OLFM3: variants seen among roughly 807,000 people sequenced by gnomAD.
OLFM3 encodes olfactomedin 3.
OLFM3 carries 20 observed loss-of-function variants against 48.6 expected under a neutral mutation model. The observed-to-expected ratio is 0.41, with a 90% CI of 0.29 to 0.60. The LOEUF (loss-of-function observed/expected upper bound fraction) is 0.60, where lower values mean the gene tolerates loss of function less well. Among genes scored for constraint, OLFM3 ranks in the 20% least tolerant of loss-of-function variants. The pLI is 0.28. For missense variants in OLFM3, 437 were observed against 544.3 expected (o/e 0.80, Z 1.96); for synonymous variants, 222 against 198.1 (o/e 1.12, Z -1.01).
intron 1 of OLFM3, among the ~76,000 whole-genome samples, chr1:101,875,631 G>A (rs1016645510): frequency 1.3e-5 from 2 of 150,220 alleles, no homozygotes; most frequent in East Asian, 2.0e-4. Context: ...TACAAGAAGT[G>A]GTTATCTACA....
chr1:101,919,704 T>C (rs1659035773), intron 1 of OLFM3, among the ~76,000 whole-genome samples: 1 of 152,192 alleles, frequency 6.6e-6, no homozygotes, highest in South Asian at 2.1e-4. Flanking sequence ...GATTATCTAG[T>C]CTTGGGGATT....
intron 1 of OLFM3, among the ~76,000 whole-genome samples, chr1:101,938,065 G>A (rs1352556136): frequency 6.6e-6 from 1 of 152,082 alleles, no homozygotes; most frequent in African/African-American, 2.4e-5. Flanking sequence ...TTTCTGTTGT[G>A]AGATATAGCA....
Position 101,907,386 on chromosome 1 carries a change from A to G in OLFM3, c.70-70361T>C, listed in dbSNP as rs72729697. On this transcript the variant is annotated intron_variant, in intron 1 of 5. Coordinates refer to ENST00000370103, the MANE Select transcript of OLFM3 (RefSeq NM_058170.4). ...AAGAGCCAGGTGGTATTAAATGCAG[A>G]CAATGGGATACTGGTTTCAAAACTC... 6.2e-3 allele frequency among the ~76,000 whole-genome samples: 944 copies of G among 152,348 alleles called. 5 individuals carry two copies. Among genetic ancestry groups the G allele is most frequent in the Middle Eastern group, 0.017 (5 of 294 alleles).
intron 1 of OLFM3, among the ~76,000 whole-genome samples, chr1:101,928,311 T>C (rs1444148221): frequency 6.6e-6 from 1 of 152,078 alleles, no homozygotes; most frequent in Non-Finnish European, 1.5e-5. Context: ...ACAAAAAGTG[T>C]GTTCATTATG....
At chr1:101,811,387 T>A (rs558695454) in intron 4 of OLFM3, among the ~76,000 whole-genome samples, 2 of 151,986 alleles carry the variant, frequency 1.3e-5, no homozygotes, top group African/African-American at 4.8e-5. Context: ...GAAACTACCA[T>A]CAGAGTGAAC....
chr1:101,832,056 C>T lies in OLFM3; in HGVS notation c.217-1229G>A, dbSNP rs1019064065. Among the ~76,000 whole-genome samples the T allele has an allele frequency of 2.0e-5, 3 of 152,276 alleles. No homozygotes were observed. The East Asian group carries it at 5.8e-4, about 29-fold the overall frequency. ...TAGCTGGGATTACAGGTGCACGCCACTACGCCTGGCTAATTTTCGTATTTT... is the reference window on the plus strand; with the variant it reads ...TAGCTGGGATTACAGGTGCACGCCATTACGCCTGGCTAATTTTCGTATTTT... On this transcript the variant is annotated intron_variant, in intron 2 of 5. Coordinates refer to ENST00000370103, the MANE Select transcript of OLFM3 (RefSeq NM_058170.4).
intron 4 of OLFM3, among the ~76,000 whole-genome samples, chr1:101,819,980 T>C (rs1028114841): frequency 6.6e-6 from 1 of 152,102 alleles, no homozygotes; most frequent in African/African-American, 2.4e-5. Flanking sequence ...TATTGACTTA[T>C]GTGTCAGTTG....
chr1:101,897,089 G>T (rs1366145761), intron 1 of OLFM3, among the ~76,000 whole-genome samples: 1 of 152,124 alleles, frequency 6.6e-6, no homozygotes, highest in Non-Finnish European at 1.5e-5. Context: ...TCCTGATCTA[G>T]ATAATTTCTC....
At chr1:101,937,455 G>C (rs6678344) in intron 1 of OLFM3, among the ~76,000 whole-genome samples, 1 of 151,948 alleles carries the variant, frequency 6.6e-6, no homozygotes, top group Admixed American at 6.6e-5. Context: ...GGAGGGCCCC[G>C]GTGGGAGGTA....
chr1:101,862,730 T>A (rs959428524), intron 1 of OLFM3, among the ~76,000 whole-genome samples: 1 of 152,192 alleles, frequency 6.6e-6, no homozygotes, highest in Middle Eastern at 3.2e-3. Context: ...AAATATGTAT[T>A]TGCACTTTTC....
intron 1 of OLFM3, among the ~76,000 whole-genome samples, chr1:101,933,895 C>T (rs1054744353): frequency 6.6e-6 from 1 of 152,120 alleles, no homozygotes; most frequent in African/African-American, 2.4e-5. Flanking sequence ...AAATAAAATC[C>T]TTTTCAGACA....
intron 2 of OLFM3, among the ~76,000 whole-genome samples, chr1:101,832,939 A>C (rs1342883155): frequency 6.6e-6 from 1 of 152,234 alleles, no homozygotes; most frequent in Non-Finnish European, 1.5e-5. Flanking sequence ...CTTTCAACAT[A>C]ACTTTCTAAC....
At chr1:101,872,188 CAT>C (rs1657108003) in intron 1 of OLFM3, among the ~76,000 whole-genome samples, 1 of 152,012 alleles carries the variant, frequency 6.6e-6, no homozygotes, top group South Asian at 2.1e-4. Context: ...TGGAAAGCCT[CAT>C]AGGCTATATG....
chr1:101,940,248 T>C (rs1659746088), intron 1 of OLFM3, among the ~76,000 whole-genome samples: 1 of 152,076 alleles, frequency 6.6e-6, no homozygotes, highest in South Asian at 2.1e-4. Context: ...AACTTTAGAA[T>C]ATTTTCTTGT....
chr1:101,931,784 G>A (rs1659451558), intron 1 of OLFM3, among the ~76,000 whole-genome samples: 1 of 152,114 alleles, frequency 6.6e-6, no homozygotes, highest in Non-Finnish European at 1.5e-5. Context: ...CAATCCACTG[G>A]GGTAACCTGA....
intron 1 of OLFM3, among the ~76,000 whole-genome samples, chr1:101,977,470 C>A (rs17435879): frequency 0.012 from 1,787 of 152,184 alleles, 9 homozygotes; most frequent in Non-Finnish European, 0.019. Context: ...TCTGGGAGAC[C>A]TGAACTGAAC....
At chr1:101,813,989 C>A (rs2100874820) in intron 4 of OLFM3, among the ~76,000 whole-genome samples, 1 of 152,222 alleles carries the variant, frequency 6.6e-6, no homozygotes, top group African/African-American at 2.4e-5. Context: ...TTGCTTAAAA[C>A]CCAAGGTAGG....
chr1:101,861,102 C>G (rs1656634520), intron 1 of OLFM3, among the ~76,000 whole-genome samples: 1 of 151,968 alleles, frequency 6.6e-6, no homozygotes, highest in South Asian at 2.1e-4. Flanking sequence ...TGCTGTGTTG[C>G]CCAGGCTGGT....
chr1:101,877,239 A>G (rs555518282), intron 1 of OLFM3, among the ~76,000 whole-genome samples: 69 of 152,120 alleles, frequency 4.5e-4, no homozygotes, highest in African/African-American at 1.5e-3. Flanking sequence ...CCAGCTGTTC[A>G]TTTATGATAA....
Sources: gnomAD v4.1 joint callset for allele counts (sites outside exome capture counted in the v4.1 genomes callset) on GRCh38, gnomAD v4.1.1 for gene constraint, MANE v1.5 for transcripts, NCBI Gene and HGNC (gene_info 2026-07-23, HGNC 2026-07-21) for gene names.